KCNMA1: variants seen among roughly 807,000 people sequenced by gnomAD.
The protein encoded by KCNMA1 is Calcium-activated potassium channel subunit alpha-1.
A neutral mutation model predicts 140.0 loss-of-function variants in KCNMA1; 29 were observed. That is an observed-to-expected ratio of 0.21 (90% CI 0.15 to 0.28). KCNMA1 has a LOEUF of 0.28. Ranked by LOEUF, KCNMA1 falls within the 10% of genes least tolerant of loss-of-function variation. The pLI is 1.00. For synonymous variants in KCNMA1, 612 were observed against 611.9 expected (o/e 1.00, Z 0.00); for missense variants, 880 against 1,602.2 (o/e 0.55, Z 7.70).
At chr10:77,275,168 G>C (rs1214717691) in intron 2 of KCNMA1, among the ~76,000 whole-genome samples, 1 of 152,190 alleles carries the variant, frequency 6.6e-6, no homozygotes, top group Non-Finnish European at 1.5e-5. Flanking sequence ...AGACCTCAGA[G>C]AGCCTATACC....
At chr10:77,128,922 C>T (rs775585129) in intron 5 of KCNMA1, among the ~76,000 whole-genome samples, 1 of 152,164 alleles carries the variant, frequency 6.6e-6, no homozygotes, top group African/African-American at 2.4e-5. Context: ...TCTAAGCTAT[C>T]GTCAATGCTG....
chr10:76,910,991 A>G (rs1297393928), intron 24 of KCNMA1: 1 of 152,180 alleles, frequency 6.6e-6, no homozygotes, highest in East Asian at 1.9e-4. Flanking sequence ...TTTGGAAATT[A>G]TCAGTTTTGC....
At chr10:76,967,845 A>G (rs2074538585) in intron 20 of KCNMA1, among the ~76,000 whole-genome samples, 1 of 152,170 alleles carries the variant, frequency 6.6e-6, no homozygotes, top group Admixed American at 6.5e-5. Context: ...TTGATGTACC[A>G]TGAAACAGAC....
intron 2 of KCNMA1, among the ~76,000 whole-genome samples, chr10:77,331,406 C>T (rs984511476): frequency 6.6e-6 from 1 of 152,152 alleles, no homozygotes; most frequent in African/African-American, 2.4e-5. Flanking sequence ...AACAACCATT[C>T]CTGTTTTGAG....
At chr10:76,981,727 T>C (rs1018967150) in intron 19 of KCNMA1, among the ~76,000 whole-genome samples, 2 of 152,206 alleles carry the variant, frequency 1.3e-5, no homozygotes, top group Admixed American at 6.5e-5. Flanking sequence ...ACAAGATCAA[T>C]TCTCTCCTTT....
At chr10:76,959,692 C>A (rs1400990149) in intron 20 of KCNMA1, among the ~76,000 whole-genome samples, 1 of 152,142 alleles carries the variant, frequency 6.6e-6, no homozygotes, top group Non-Finnish European at 1.5e-5. Flanking sequence ...AGATATAGAG[C>A]TACTGCTATT....
At chr10:76,946,572 T>C (rs1357426657) in intron 22 of KCNMA1, among the ~76,000 whole-genome samples, 1 of 152,190 alleles carries the variant, frequency 6.6e-6, no homozygotes, top group African/African-American at 2.4e-5. Flanking sequence ...TTTAGCACTG[T>C]GGTTGCTGCT....
intron 2 of KCNMA1, among the ~76,000 whole-genome samples, chr10:77,287,074 C>A (rs2071254134): frequency 6.6e-6 from 1 of 152,186 alleles, no homozygotes; most frequent in Non-Finnish European, 1.5e-5. Flanking sequence ...GCAGGGGAAT[C>A]AAGGACAACT....
At chr10:77,189,822 G>T (rs1185110582) in intron 3 of KCNMA1, among the ~76,000 whole-genome samples, 2 of 152,088 alleles carry the variant, frequency 1.3e-5, no homozygotes, top group Non-Finnish European at 2.9e-5. Flanking sequence ...TAAGCCTAAT[G>T]ATTCTAGACT....
At chr10:76,991,777 G>A (rs1441429473) in intron 19 of KCNMA1, among the ~76,000 whole-genome samples, 1 of 152,152 alleles carries the variant, frequency 6.6e-6, no homozygotes, top group Non-Finnish European at 1.5e-5. Context: ...CAGCCCCTGG[G>A]TCCTTTCTTG....
At chr10:77,591,464 G>C (rs961173587) in intron 1 of KCNMA1, among the ~76,000 whole-genome samples, 3 of 152,194 alleles carry the variant, frequency 2.0e-5, no homozygotes, top group African/African-American at 7.2e-5. Flanking sequence ...ATAGGGTTGC[G>C]AGACCAGCAT....
intron 1 of KCNMA1, among the ~76,000 whole-genome samples, chr10:77,466,803 C>A (rs998645153): frequency 1.3e-5 from 2 of 151,906 alleles, no homozygotes; most frequent in Middle Eastern, 3.2e-3. Flanking sequence ...GAGGGCTTGC[C>A]TGTTCTGTCA....
intron 23 of KCNMA1, among the ~76,000 whole-genome samples, chr10:76,920,249 T>C (rs1421871938): frequency 1.3e-5 from 2 of 150,860 alleles, no homozygotes; most frequent in Non-Finnish European, 3.0e-5. Context: ...GGTTAATAAT[T>C]GAGAATGAAG....
At chr10:77,250,974 A>G (rs1169455658) in intron 3 of KCNMA1, 5 of 574,216 alleles carry the variant, frequency 8.7e-6, no homozygotes, top group African/African-American at 5.6e-5. Context: ...ACTTGACCTC[A>G]TATACCTCAC....
chr10:77,256,585 G>A (rs781326817), intron 2 of KCNMA1, among the ~76,000 whole-genome samples: 1 of 152,194 alleles, frequency 6.6e-6, no homozygotes, highest in Non-Finnish European at 1.5e-5. Context: ...TGCAGGCTTA[G>A]AGAATCGTGC....
chr10:76,911,214 A>C (rs1229066949), intron 24 of KCNMA1: 5 of 152,174 alleles, frequency 3.3e-5, no homozygotes, highest in Admixed American at 2.6e-4. Flanking sequence ...TAAAAAAAAA[A>C]AACTTTTGTT....
chr10:77,359,711 C>T lies in KCNMA1; in HGVS notation c.540+44151G>A, dbSNP rs573194038. Among the ~76,000 whole-genome samples the T allele has an allele frequency of 2.0e-5, 3 of 152,348 alleles. No homozygotes were observed. The East Asian group carries it at 5.8e-4, about 29-fold the overall frequency. On this transcript the variant is annotated intron_variant, in intron 2 of 27. Coordinates refer to ENST00000286628, the MANE Select transcript of KCNMA1 (RefSeq NM_001161352.2). ...AATGGCGCCCCAAAGACCCAGTTAA[C>T]CCACAGGGTGAGTGCCCACGGAGAT...
At position 77,110,162 on chromosome 10, in the gene KCNMA1, T is replaced by C. The variant is rs1270918473; in HGVS notation, c.1131+11A>G. ...ATCAAAATCAACATCATAATAAAGATTTTTTTTTACCAGTCCCCCGAGGAT... is the reference window on the plus strand; with the variant it reads ...ATCAAAATCAACATCATAATAAAGACTTTTTTTTACCAGTCCCCCGAGGAT... On this transcript the variant is annotated intron_variant, in intron 8 of 27. Transcript: ENST00000286628. 2 of 1,576,376 alleles carry C rather than the reference T, an allele frequency of 1.3e-6. No individual in the cohort carries two copies. The highest frequency in any genetic ancestry group is 3.3e-5 in the Admixed American group (2 of 59,758).
At chr10:77,010,041 T>C (rs1409340959) in intron 18 of KCNMA1, among the ~76,000 whole-genome samples, 2 of 152,168 alleles carry the variant, frequency 1.3e-5, no homozygotes, top group African/African-American at 2.4e-5. Context: ...TACTCAAAAA[T>C]ATGTGAACGG....
Sources: allele counts gnomAD v4.1 joint callset (sites outside exome capture counted in the v4.1 genomes callset), GRCh38; gene constraint gnomAD v4.1.1; transcripts MANE v1.5; gene names NCBI Gene and HGNC (gene_info 2026-07-23, HGNC 2026-07-21).